The following MXD4 variants were observed in gnomAD, a reference collection of about 807,000 sequenced individuals.
MXD4 encodes Mad4 homolog.
Under a neutral mutation model 24.5 loss-of-function variants are expected in MXD4, and 16 were observed. That is an observed-to-expected ratio of 0.65 (90% CI 0.44 to 0.99). MXD4 has a LOEUF of 0.99. MXD4 is among the 50% of genes least tolerant of loss of function. The pLI is 0.00. For synonymous variants in MXD4, 164 were observed against 134.2 expected (o/e 1.22, Z -1.54); for missense variants, 301 against 301.5 (o/e 1.00, Z 0.01).
At chr4:2,255,361 G>C (rs1201546841) in intron 3 of MXD4, 2 of 456,280 alleles carry the variant, frequency 4.4e-6, no homozygotes, top group South Asian at 3.1e-5. Context: ...CCTTTCTCGA[G>C]AGACAAACAG....
chr4:2,250,276 A>C lies in MXD4; in HGVS notation c.*268T>G, dbSNP rs1735289621. On this transcript the variant is annotated 3_prime_UTR_variant, in exon 6 of 6. Transcript: ENST00000337190. The stretch of plus-strand genomic sequence containing the variant: ...CTGGAATGATTAGGAATCTGAGAAC[A>C]GACCGTGGGCGGCTATGCTGACCAG... 5.5e-6 allele frequency: 3 copies of C among 543,476 alleles called. No individual in the cohort carries two copies. The highest frequency in any genetic ancestry group is 6.5e-6 in the Non-Finnish European group (2 of 305,782). 33.7% of individuals were successfully genotyped at this position (543,476 alleles called of 1,614,324 possible). A position where few individuals can be genotyped will look rare whatever the true frequency, so the allele number is the denominator to read the frequency against.
intron 2 of MXD4, chr4:2,259,077 G>A: frequency 2.4e-6 from 1 of 416,938 alleles, no homozygotes; most frequent in Non-Finnish European, 4.9e-6. Context: ...TGGGCAGAGA[G>A]CTCAGACTGC....
At chr4:2,261,032 A>T (rs1302011489) in intron 2 of MXD4, among the ~76,000 whole-genome samples, 1 of 152,178 alleles carries the variant, frequency 6.6e-6, no homozygotes, top group African/African-American at 2.4e-5. Context: ...ACCCGTAGTA[A>T]CGACTTCATG....
At chr4:2,250,949 C>G in intron 5 of MXD4, 135 bp downstream of exon 5, 1 of 1,235,632 alleles carries the variant, frequency 8.1e-7, no homozygotes, top group East Asian at 2.6e-5. Flanking sequence ...TAGTGACAAA[C>G]ACACACCCCA....
At position 2,250,697 on chromosome 4, in the gene MXD4, C is replaced by T. The variant is rs1223344784; in HGVS notation, c.477G>A (p.Val159=). The T allele has an allele frequency of 6.2e-7, 1 of 1,613,520 alleles. No individual in the cohort carries two copies. Among genetic ancestry groups the T allele is most frequent in the Admixed American group, 1.7e-5 (1 of 60,000 alleles). The change falls in exon 6 of 6, where the codon GTG becomes GTA. Residue 159 remains valine (V), a synonymous_variant. Coordinates refer to ENST00000337190, the MANE Select transcript of MXD4 (RefSeq NM_006454.3). ...GGCCAAACTCCATGCCCTCTATGTCCACTTCTAGGGAGAATAGAGTGGGGA... is the reference window on the plus strand; with the variant it reads ...GGCCAAACTCCATGCCCTCTATGTCTACTTCTAGGGAGAATAGAGTGGGGA... ...AVSTDDSEQE[V]DIEGMEFGPG... is the part of the protein sequence containing the mutation.
At chr4:2,259,853 C>G (rs898352515) in intron 2 of MXD4, among the ~76,000 whole-genome samples, 1 of 152,168 alleles carries the variant, frequency 6.6e-6, no homozygotes, top group Non-Finnish European at 1.5e-5. Flanking sequence ...ACAGAATGGA[C>G]CCCCCTGCAG....
In MXD4 at chr4:2,248,538, G is replaced by T. The variant is rs1028729390; in HGVS notation, c.*2006C>A. On this transcript the variant is annotated 3_prime_UTR_variant, in exon 6 of 6. Transcript: ENST00000337190. The stretch of plus-strand genomic sequence containing the variant: ...CACGGTGTTTGAAATGAAGCCTGGG[G>T]GGACAGACTCAGGCAGGCAGGGGAA... 6.5e-6 allele frequency: 1 copy of T among 152,690 alleles called. No individual in the cohort carries two copies. 9.5% of individuals were successfully genotyped at this position (152,690 alleles called of 1,614,324 possible). A position where few individuals can be genotyped will look rare whatever the true frequency, so the allele number is the denominator to read the frequency against.
Position 2,261,932 on chromosome 4 carries a change from C to G in MXD4, c.49G>C (p.Glu17Gln). 1 of 1,463,008 alleles carries G rather than the reference C, an allele frequency of 6.8e-7. No individual in the cohort carries two copies. Among genetic ancestry groups the G allele is most frequent in the East Asian group, 3.0e-5 (1 of 33,786 alleles). 90.6% of individuals were successfully genotyped at this position (1,463,008 alleles called of 1,614,324 possible). A position where few individuals can be genotyped will look rare whatever the true frequency, so the allele number is the denominator to read the frequency against. The change falls in exon 1 of 6, where the codon GAG (glutamate) becomes CAG (glutamine). Residue 17 changes from glutamate (E) to glutamine (Q), a missense_variant. Glu to Gln is a conservative substitution (Grantham distance 29, BLOSUM62 2). Transcript: ENST00000337190. ...CGAGCGCTACCTCGATCCCTGCGCT[C>G]CAGGTACTCGGCCGCCTCCAGCAGG... ...LILLEAAEYL[E>Q]RRDREAEHGY...
chr4:2,252,683 C>T, intron 3 of MXD4, 161 bp from the exon 4 acceptor site: 1 of 579,278 alleles, frequency 1.7e-6, no homozygotes, highest in African/African-American at 1.9e-5. Flanking sequence ...CCCCCGTCCC[C>T]CACCCCCAGG....
rs1735262522 is a variant in MXD4, at chr4:2,249,288, G to A, written c.*1256C>T. 1 of 152,652 alleles carries A rather than the reference G, an allele frequency of 6.6e-6. No individual in the cohort carries two copies. The highest frequency in any genetic ancestry group is 2.1e-4 in the South Asian group (1 of 4,832). The allele number at this position is 152,652 out of a possible 1,614,324, so 9.5% of individuals were successfully genotyped here. The stretch of plus-strand genomic sequence containing the variant: ...GGCACACTTTGACGACGTGACGGAG[G>A]GACAGGTCCCTGAGACGCTGGGTGG... On this transcript the variant is annotated 3_prime_UTR_variant, in exon 6 of 6. Coordinates refer to ENST00000337190, the MANE Select transcript of MXD4 (RefSeq NM_006454.3).
chr4:2,252,849 T>A (rs1735352971), intron 3 of MXD4: 1 of 283,082 alleles, frequency 3.5e-6, no homozygotes, highest in Non-Finnish European at 6.9e-6. Context: ...GGAGTCCACA[T>A]GCAGGGAGGG....
intron 3 of MXD4, chr4:2,255,162 G>C: frequency 2.6e-6 from 1 of 389,960 alleles, no homozygotes; most frequent in Admixed American, 2.9e-5. Context: ...TACGTACGTG[G>C]TGTCGGGTGA....
intron 2 of MXD4, among the ~76,000 whole-genome samples, chr4:2,260,215 C>A (rs1466978839): frequency 6.6e-6 from 1 of 152,204 alleles, no homozygotes; most frequent in African/African-American, 2.4e-5. Flanking sequence ...CACCAGTGCC[C>A]CCATGGTCTC....
chr4:2,261,777 C>G lies in MXD4; in HGVS notation c.112G>C (p.Ala38Pro), dbSNP rs748238975. Reference sequence around the variant, plus strand: ...CCGGCCGCCTTTGTTTTCTCCCTGGCGAAGTCGCCGTCGAAGGGCAGCACC... The same window carrying G: ...CCGGCCGCCTTTGTTTTCTCCCTGGGGAAGTCGCCGTCGAAGGGCAGCACC... ...ASVLPFDGDF[A>P]REKTKAAGLV... The change falls in exon 2 of 6, where the codon GCC becomes CCC. Residue 38 changes from alanine to proline, a missense_variant. Transcript: ENST00000337190. 1.4e-6 allele frequency: 2 copies of G among 1,431,092 alleles called. No individual in the cohort carries two copies. The highest frequency in any genetic ancestry group is 3.0e-5 in the African/African-American group (2 of 67,052). 88.6% of individuals were successfully genotyped at this position (1,431,092 alleles called of 1,614,324 possible).
At chr4:2,257,332 T>C (rs536350805) in intron 3 of MXD4, among the ~76,000 whole-genome samples, 7 of 152,174 alleles carry the variant, frequency 4.6e-5, no homozygotes, top group Non-Finnish European at 8.8e-5. Context: ...CAGGGGACTC[T>C]TCCTGGTCCT....
In MXD4 at chr4:2,250,346, C is replaced by G. The variant is rs1053729915; in HGVS notation, c.*198G>C. 1.3e-5 allele frequency: 9 copies of G among 719,296 alleles called. No homozygotes were observed. In the East Asian group the frequency reaches 2.5e-4, roughly 20 times the overall value. 44.6% of individuals were successfully genotyped at this position (719,296 alleles called of 1,614,324 possible). Reference sequence around the variant, plus strand: ...GGGCCCTGCCTCCTTGCAGGGGACTCTGCCCAGCTGGAAGGGGCAGGCAGC... The same window carrying G: ...GGGCCCTGCCTCCTTGCAGGGGACTGTGCCCAGCTGGAAGGGGCAGGCAGC... On this transcript the variant is annotated 3_prime_UTR_variant, in exon 6 of 6. Coordinates refer to ENST00000337190, the MANE Select transcript of MXD4 (RefSeq NM_006454.3).
At position 2,248,991 on chromosome 4, in the gene MXD4, A is replaced by C. The variant is rs1334096740; in HGVS notation, c.*1553T>G. On this transcript the variant is annotated 3_prime_UTR_variant, in exon 6 of 6. Transcript: ENST00000337190. ...GGAACCCTCGCCTAGGCCAGGAAGC[A>C]GGGGGCTCGAGTCAGGTGACAGGTG... is the stretch of plus-strand genomic sequence containing the variant. 1 of 152,326 alleles carries C rather than the reference A, an allele frequency of 6.6e-6. No individual in the cohort carries two copies. Among genetic ancestry groups the C allele is most frequent in the African/African-American group, 2.4e-5 (1 of 41,470 alleles). The allele number at this position is 152,326 out of a possible 1,614,324, so 9.4% of individuals were successfully genotyped here.
At chr4:2,257,888 G>A (rs1735462451) in intron 3 of MXD4, 94 bp downstream of exon 3, 1 of 1,526,382 alleles carries the variant, frequency 6.6e-7, no homozygotes, top group Non-Finnish European at 9.0e-7. Flanking sequence ...GGCTGGCCGT[G>A]CCCGGGACAG....
intron 3 of MXD4, among the ~76,000 whole-genome samples, chr4:2,256,548 G>C (rs535567911): frequency 2.0e-5 from 3 of 152,312 alleles, no homozygotes; most frequent in African/African-American, 7.2e-5. Flanking sequence ...CCAAGCTCCA[G>C]GCCTGTAGGT....
Sources: allele counts gnomAD v4.1 joint callset (sites outside exome capture counted in the v4.1 genomes callset), GRCh38; gene constraint gnomAD v4.1.1; transcripts MANE v1.5; gene names NCBI Gene and HGNC (gene_info 2026-07-23, HGNC 2026-07-21).